Variants in ADAP1 observed in about 807,000 individuals in gnomAD.
ADAP1 encodes the protein arf-GAP with dual PH domain-containing protein 1.
In ADAP1, 31 loss-of-function variants were observed where a neutral mutation model predicts 54.9. The observed-to-expected ratio is 0.56, with a 90% CI of 0.42 to 0.76. The LOEUF (loss-of-function observed/expected upper bound fraction) is 0.76, where lower values mean the gene tolerates loss of function less well. ADAP1 is among the 30% of genes least tolerant of loss of function. The probability of loss-of-function intolerance (pLI) is 0.00; values close to 1 mark genes in which losing one functional copy is unlikely to be tolerated. For synonymous variants in ADAP1, 313 were observed against 202.6 expected (o/e 1.55, Z -4.63); for missense variants, 535 against 512.4 (o/e 1.04, Z -0.42).
chr7:920,892 G>A lies in ADAP1; in HGVS notation c.306-842C>T, dbSNP rs1227540942. On this transcript the variant is annotated intron_variant, in intron 3 of 10. Transcript: ENST00000265846. This position sits in a 1 kb window ranked among gnomAD's most constrained non-coding sequence, Gnocchi z 4.5. ...CTTTTCCACTCCCAGGGAATTACGCGGCAAAGAACAAATAGGAACCCTGTG... is the reference window on the plus strand; with the variant it reads ...CTTTTCCACTCCCAGGGAATTACGCAGCAAAGAACAAATAGGAACCCTGTG... The A allele has an allele frequency of 2.1e-5, 32 of 1,549,114 alleles. No individual in the cohort carries two copies. Among genetic ancestry groups the A allele is most frequent in the Admixed American group, 3.9e-5 (2 of 50,932 alleles).
At chr7:932,026 G>A (rs1009293838) in intron 2 of ADAP1, among the ~76,000 whole-genome samples, 1 of 152,196 alleles carries the variant, frequency 6.6e-6, no homozygotes, top group Non-Finnish European at 1.5e-5. Context: ...GCAAGAAGCC[G>A]GGCTGAGACC....
At chr7:952,613 C>T (rs939693625) in intron 1 of ADAP1, among the ~76,000 whole-genome samples, 1 of 152,112 alleles carries the variant, frequency 6.6e-6, no homozygotes, top group Non-Finnish European at 1.5e-5. Context: ...CCCTGGGGAG[C>T]GGGGACAAGC....
At chr7:933,028 T>C (rs1846632506) in intron 2 of ADAP1, among the ~76,000 whole-genome samples, 1 of 152,070 alleles carries the variant, frequency 6.6e-6, no homozygotes, top group Non-Finnish European at 1.5e-5. Context: ...TCCCAGCACT[T>C]CGGGAGGCTG....
chr7:910,122 G>C (rs745497603), intron 4 of ADAP1, among the ~76,000 whole-genome samples: 1 of 152,214 alleles, frequency 6.6e-6, no homozygotes, highest in Non-Finnish European at 1.5e-5. Flanking sequence ...CACGCTGCCC[G>C]TGGGGATGTA....
At chr7:924,786 G>A (rs925938077) in intron 3 of ADAP1, among the ~76,000 whole-genome samples, 5 of 151,986 alleles carry the variant, frequency 3.3e-5, no homozygotes, top group African/African-American at 1.2e-4. Context: ...CAGCCAGGGA[G>A]TGGGAGGAAC....
At chr7:900,068 A>G (rs1219798710) in intron 8 of ADAP1, 34 bp downstream of exon 8, 2 of 1,611,144 alleles carry the variant, frequency 1.2e-6, no homozygotes, top group Admixed American at 1.7e-5. Flanking sequence ...GGCGTACCCC[A>G]GGCCACCCCA....
In ADAP1 at chr7:900,613, T is replaced by C. The variant is rs1190963305; in HGVS notation, c.652A>G (p.Ile218Val). 4.0e-6 allele frequency: 6 copies of C among 1,509,136 alleles called. No homozygotes were observed. The highest frequency in any genetic ancestry group is 1.8e-5 in the African/African-American group (1 of 57,108). 93.5% of individuals were successfully genotyped at this position (1,509,136 alleles called of 1,614,324 possible). Residue 218 changes from isoleucine to valine, a missense_variant, in exon 7 of 11, where the codon ATT becomes GTT. Coordinates refer to ENST00000265846, the MANE Select transcript of ADAP1 (RefSeq NM_006869.4). ...CGGAGTGCATTGAACCAGTCCACAA[T>C]CTCCTAGGGGCAAAGGTGGGCACAG... is the stretch of plus-strand genomic sequence containing the variant. Reference protein sequence around the residue: ...IFIYHEDGKEIVDWFNALRAA... With the variant: ...IFIYHEDGKEVVDWFNALRAA...
intron 2 of ADAP1, among the ~76,000 whole-genome samples, chr7:932,055 G>C (rs1033937524): frequency 2.0e-5 from 3 of 152,230 alleles, no homozygotes; most frequent in African/African-American, 7.2e-5. Flanking sequence ...CCTGGGGGCC[G>C]GGGTGCAGGT....
At position 946,849 on chromosome 7, in the gene ADAP1, C is replaced by T. The variant is rs1006207197; in HGVS notation, c.82+7547G>A. On this transcript the variant is annotated intron_variant, in intron 1 of 10. Coordinates refer to ENST00000265846, the MANE Select transcript of ADAP1 (RefSeq NM_006869.4). The surrounding 1 kb of genome is among the most constrained non-coding windows in gnomAD (Gnocchi z 4.3). Reference sequence around the variant, plus strand: ...TGAATTTTCACTTTGAAATGATTAACCTGAGGCCGGGCGGGGCGGCTCACG... The same window carrying T: ...TGAATTTTCACTTTGAAATGATTAATCTGAGGCCGGGCGGGGCGGCTCACG... 1.3e-5 allele frequency among the ~76,000 whole-genome samples: 2 copies of T among 152,230 alleles called. No individual in the cohort carries two copies. Among genetic ancestry groups the T allele is most frequent in the African/African-American group, 4.8e-5 (2 of 41,458 alleles).
chr7:939,549 G>A (rs1846884509), intron 1 of ADAP1, among the ~76,000 whole-genome samples: 1 of 151,508 alleles, frequency 6.6e-6, no homozygotes, highest in African/African-American at 2.4e-5. Flanking sequence ...AAAGTTTGCT[G>A]GCTGCGTGTG....
intron 2 of ADAP1, among the ~76,000 whole-genome samples, chr7:929,635 G>T (rs377693225): frequency 4.0e-4 from 61 of 152,198 alleles, no homozygotes; most frequent in Middle Eastern, 3.4e-3. Context: ...TAACGGCTGG[G>T]GCGGTGGTGA....
At position 908,461 on chromosome 7, in the gene ADAP1, C is replaced by A. The variant is rs573492765; in HGVS notation, c.389-3289G>T. On this transcript the variant is annotated intron_variant, in intron 4 of 10. Coordinates refer to ENST00000265846, the MANE Select transcript of ADAP1 (RefSeq NM_006869.4). ...CTCACTGCCCGGAGCTCCCCGCTCC[C>A]CAAGCCTCTACAAGGCTGCTGCCCC... 5.0e-3 allele frequency among the ~76,000 whole-genome samples: 756 copies of A among 152,300 alleles called. 3 individuals are homozygous for A. Among genetic ancestry groups the A allele is most frequent in the Non-Finnish European group, 7.6e-3 (520 of 68,014 alleles).
At chr7:919,550 GAGAGACAGAGAT>G (rs1052259205) in intron 4 of ADAP1, among the ~76,000 whole-genome samples, 2 of 139,664 alleles carry the variant, frequency 1.4e-5, no homozygotes. Flanking sequence ...GAGAGAGAGG[GAGAGACAGAGAT>G]AGAGAGAGGA....
chr7:940,540 A>G (rs1846915936), intron 1 of ADAP1, among the ~76,000 whole-genome samples: 1 of 152,190 alleles, frequency 6.6e-6, no homozygotes, highest in Non-Finnish European at 1.5e-5. Context: ...AATTTAAAAG[A>G]TGGATACTAC....
At chr7:916,976 A>C (rs1265361023) in intron 4 of ADAP1, among the ~76,000 whole-genome samples, 1 of 108,928 alleles carries the variant, frequency 9.2e-6, no homozygotes, top group Non-Finnish European at 1.8e-5. Flanking sequence ...GGGGAGGTGC[A>C]CAGGAGGGGT....
chr7:924,716 TGAGTCCACGAGCACCCCCA>T (rs1846324126), intron 3 of ADAP1, among the ~76,000 whole-genome samples: 1 of 150,372 alleles, frequency 6.7e-6, no homozygotes, highest in African/African-American at 2.5e-5. Context: ...CAGCAGCCCC[TGAGTCCACGAGCACCCCCA>T]GCCCCCCGCA....
chr7:900,528 C>G lies in ADAP1; in HGVS notation c.732+5G>C. 6.2e-7 allele frequency: 1 copy of G among 1,604,498 alleles called. No homozygotes were observed. The highest frequency in any genetic ancestry group is 1.1e-5 in the South Asian group (1 of 89,878). On this transcript the variant is annotated splice_donor_5th_base_variant and intron_variant, in intron 7 of 10. Transcript: ENST00000265846. ...CCTGGAGCTGACCGCAGGGCCGCCA[C>G]TCACATCTGCGTCGCCGGCCCCTGG...
intron 1 of ADAP1, among the ~76,000 whole-genome samples, chr7:942,940 AGGAAG>A (rs1562936231): frequency 5.1e-5 from 1 of 19,728 alleles, no homozygotes; most frequent in Non-Finnish European, 8.9e-5. Context: ...AGTGAGGAGG[AGGAAG>A]AGAGAGGAGG....
At chr7:953,205 T>C (rs956193472) in intron 1 of ADAP1, among the ~76,000 whole-genome samples, 21 of 152,284 alleles carry the variant, frequency 1.4e-4, no homozygotes, top group African/African-American at 5.1e-4. Context: ...ACCGCACCAT[T>C]GCACGGGCCC....
Sources: gnomAD v4.1 joint callset for allele counts (sites outside exome capture counted in the v4.1 genomes callset) on GRCh38, gnomAD v4.1.1 for gene constraint, Gnocchi (gnomAD v3.1) non-coding constraint, MANE v1.5 for transcripts, NCBI Gene and HGNC (gene_info 2026-07-23, HGNC 2026-07-21) for gene names.